Variants in CCPG1 observed in about 807,000 individuals in gnomAD.
The protein encoded by CCPG1 is cell cycle progression 1, also known as cell cycle progression protein 1.
In CCPG1, 46 loss-of-function variants were observed where a neutral mutation model predicts 81.3. The observed-to-expected ratio is 0.57, with a 90% CI of 0.45 to 0.72. The LOEUF is 0.72. CCPG1 is among the 30% of genes least tolerant of loss of function. CCPG1 has a pLI of 0.00. For missense variants in CCPG1, 902 were observed against 937.6 expected (o/e 0.96, Z 0.50); for synonymous variants, 330 against 305.2 (o/e 1.08, Z -0.85).
intron 1 of CCPG1, among the ~76,000 whole-genome samples, chr15:55,406,899 G>A (rs952089656): frequency 2.0e-5 from 3 of 151,758 alleles, no homozygotes; most frequent in African/African-American, 7.3e-5. Context: ...CTGAAATTCC[G>A]CCCTCAGCGT....
Position 55,360,194 on chromosome 15 carries a change from C to G in CCPG1, c.1579G>C (p.Asp527His). 1 of 1,613,334 alleles carries G rather than the reference C, an allele frequency of 6.2e-7. No homozygotes were observed. The highest frequency in any genetic ancestry group is 2.2e-5 in the East Asian group (1 of 44,862). The change falls in exon 8 of 9, where the codon GAT becomes CAT. Residue 527 changes from aspartate to histidine, a missense_variant. Transcript: ENST00000442196. ...TGTCTGAAAGTGGATTTAACTGAAT[C>G]TGAGAATTTTTTCAGATTTTCCTTC... The part of the protein sequence containing the change: ...AVKENLKKFS[D>H]SVKSTFRHFK...
At position 55,385,699 on chromosome 15, in the gene CCPG1, T is replaced by C. The variant is rs1280443696; in HGVS notation, c.76A>G (p.Met26Val). Reference sequence around the variant, plus strand: ...TCAGTGGGGGTCACAGAATTCAACATTTCTATATCTGACCCCTAAGGAAAA... The same window carrying C: ...TCAGTGGGGGTCACAGAATTCAACACTTCTATATCTGACCCCTAAGGAAAA... The part of the protein sequence containing the change: ...VISHEGSDIE[M>V]LNSVTPTDSC... The change falls in exon 3 of 9, where the codon ATG (methionine) becomes GTG (valine). Residue 26 changes from methionine (M) to valine (V), a missense_variant. By Grantham distance (21) the Met-to-Val change is conservative (BLOSUM62 1). This residue lies in a region of CCPG1 where 28 missense variants were observed against 47.8 expected (regional missense o/e 0.59). Coordinates refer to ENST00000442196, the MANE Select transcript of CCPG1 (RefSeq NM_001204450.2). The C allele has an allele frequency of 1.3e-6, 2 of 1,592,364 alleles. No individual in the cohort carries two copies. Among genetic ancestry groups the C allele is most frequent in the South Asian group, 1.1e-5 (1 of 90,586 alleles).
At chr15:55,381,105 C>G (rs1331448946) in intron 3 of CCPG1, among the ~76,000 whole-genome samples, 4 of 151,780 alleles carry the variant, frequency 2.6e-5, no homozygotes, top group African/African-American at 9.7e-5. Flanking sequence ...CCACTGCACT[C>G]CAGCCTGGGC....
chr15:55,378,317 T>C lies in CCPG1; in HGVS notation c.235A>G (p.Thr79Ala), dbSNP rs2056608514. Residue 79 changes from threonine (T) to alanine (A), a missense_variant, in exon 4 of 9, where the codon ACC becomes GCC. By Grantham distance (58) the Thr-to-Ala change is moderately conservative. Coordinates refer to ENST00000442196, the MANE Select transcript of CCPG1 (RefSeq NM_001204450.2). ...AAGTTTACCTCAATTGTTGAGCTGG[T>C]TTCCTCCAAAGCTGGATAAGCAGTT... ...EETAYPALEETSSTIEAEEQK... is the reference protein window; with the variant it reads ...EETAYPALEEASSTIEAEEQK... 1 of 1,610,338 alleles carries C rather than the reference T, an allele frequency of 6.2e-7. No homozygotes were observed.
At chr15:55,376,146 G>A (rs909297739) in intron 5 of CCPG1, among the ~76,000 whole-genome samples, 32 of 152,204 alleles carry the variant, frequency 2.1e-4, no homozygotes, top group East Asian at 1.9e-4. Context: ...GTCAAATTAG[G>A]AAATTTTTAG....
intron 1 of CCPG1, among the ~76,000 whole-genome samples, chr15:55,404,865 A>G (rs1407496434): frequency 1.3e-5 from 2 of 152,164 alleles, no homozygotes; most frequent in African/African-American, 4.8e-5. Flanking sequence ...CATTCAGGAG[A>G]TCGAGACCAT....
intron 6 of CCPG1, among the ~76,000 whole-genome samples, chr15:55,368,829 G>A (rs562845131): frequency 4.6e-5 from 7 of 152,238 alleles, no homozygotes; most frequent in East Asian, 3.9e-4. Flanking sequence ...ATTATAAAGC[G>A]GGCCAGGCAC....
chr15:55,393,061 G>A (rs552984801), intron 1 of CCPG1, among the ~76,000 whole-genome samples: 5 of 152,268 alleles, frequency 3.3e-5, no homozygotes, highest in African/African-American at 9.6e-5. Flanking sequence ...CCAAGATGGC[G>A]CCATTGCACT....
chr15:55,386,652 T>G (rs1430555386), intron 2 of CCPG1, among the ~76,000 whole-genome samples: 1 of 152,012 alleles, frequency 6.6e-6, no homozygotes, highest in Non-Finnish European at 1.5e-5. Flanking sequence ...CCCAGCACCT[T>G]GGGAGCCTGA....
chr15:55,372,074 T>C (rs2056460919), intron 5 of CCPG1, 30 bp from the exon 6 acceptor site: 1 of 1,591,162 alleles, frequency 6.3e-7, no homozygotes, highest in African/African-American at 1.4e-5. Flanking sequence ...CATTTAGCTA[T>C]TCAAAATCTT....
Position 55,356,129 on chromosome 15 carries a change from T to C in CCPG1, c.*91A>G, listed in dbSNP as rs1595814553. On this transcript the variant is annotated 3_prime_UTR_variant, in exon 9 of 9. Coordinates refer to ENST00000442196, the MANE Select transcript of CCPG1 (RefSeq NM_001204450.2). ...CTTAGAAACAAAAGAAAAGACATTGTCATCTTGGTAATTTCATTAGTTTCA... is the reference window on the plus strand; with the variant it reads ...CTTAGAAACAAAAGAAAAGACATTGCCATCTTGGTAATTTCATTAGTTTCA... 12 of 924,360 alleles carry C rather than the reference T, an allele frequency of 1.3e-5. No individual in the cohort carries two copies. The highest frequency in any genetic ancestry group is 6.8e-5 in the African/African-American group (4 of 58,568). The allele number at this position is 924,360 out of a possible 1,614,324, so 57.3% of individuals were successfully genotyped here. A position where few individuals can be genotyped will look rare whatever the true frequency, so the allele number is the denominator to read the frequency against.
In CCPG1 at chr15:55,382,667, G is replaced by A. The variant is rs374636287; in HGVS notation, c.175+2933C>T. Among the ~76,000 whole-genome samples the A allele has an allele frequency of 4.5e-4, 69 of 152,034 alleles. No homozygotes were observed. The East Asian group carries it at 0.011, about 25-fold the overall frequency. ...TGGGACTACAGGCGCCTGCCACCACGCCCAGCTAATTGTTTGTATTTTTAG... is the reference window on the plus strand; with the variant it reads ...TGGGACTACAGGCGCCTGCCACCACACCCAGCTAATTGTTTGTATTTTTAG... On this transcript the variant is annotated intron_variant, in intron 3 of 8. Coordinates refer to ENST00000442196, the MANE Select transcript of CCPG1 (RefSeq NM_001204450.2).
chr15:55,383,947 AC>A (rs1359101629), intron 3 of CCPG1, among the ~76,000 whole-genome samples: 5 of 152,216 alleles, frequency 3.3e-5, no homozygotes, highest in African/African-American at 1.2e-4. Context: ...ACTAAGAAGG[AC>A]TTTTAATTTC....
At position 55,360,391 on chromosome 15, in the gene CCPG1, T is replaced by C. The variant is rs1383618097; in HGVS notation, c.1382A>G (p.Lys461Arg). 1.2e-6 allele frequency: 2 copies of C among 1,613,924 alleles called. No homozygotes were observed. The highest frequency in any genetic ancestry group is 4.5e-5 in the East Asian group (2 of 44,886). The change falls in exon 8 of 9, where the codon AAA becomes AGA. Residue 461 changes from lysine (K) to arginine (R), a missense_variant. Physicochemically the swap from Lys to Arg is conservative, Grantham distance 26 (BLOSUM62 2). Around this residue, in one of 3 missense-constraint regions of CCPG1, gnomAD observed 746 missense variants for 728.6 expected, o/e 1.02. Coordinates refer to ENST00000442196, the MANE Select transcript of CCPG1 (RefSeq NM_001204450.2). Reference sequence around the variant, plus strand: ...TTTCTTTTTTCCATCTGTTCCTTGTTTTCCATTTTGATCTTTTGCCTCAAC... The same window carrying C: ...TTTCTTTTTTCCATCTGTTCCTTGTCTTCCATTTTGATCTTTTGCCTCAAC... ...LYVEAKDQNG[K>R]QGTDGKKKGG...
At chr15:55,373,340 T>C (rs923079782) in intron 5 of CCPG1, among the ~76,000 whole-genome samples, 7 of 152,130 alleles carry the variant, frequency 4.6e-5, no homozygotes, top group Non-Finnish European at 8.8e-5. Context: ...ACAACAAACA[T>C]TCATGCTCCA....
At position 55,371,825 on chromosome 15, in the gene CCPG1, A is replaced by G. The variant is rs758229070; in HGVS notation, c.674T>C (p.Ile225Thr). ...ATGGCCAAATCCCATGCTGATTGCA[A>G]TCACCAAAGCAAGTATAACACACTT... ...LNKCVILALV[I>T]AISMGFGHFY... The change falls in exon 6 of 9, where the codon ATT (isoleucine) becomes ACT (threonine). Residue 225 changes from isoleucine (I) to threonine (T), a missense_variant. Coordinates refer to ENST00000442196, the MANE Select transcript of CCPG1 (RefSeq NM_001204450.2). The G allele has an allele frequency of 5.6e-6, 9 of 1,613,966 alleles. No homozygotes were observed. Among genetic ancestry groups the G allele is most frequent in the African/African-American group, 1.3e-5 (1 of 74,922 alleles).
intron 3 of CCPG1, among the ~76,000 whole-genome samples, chr15:55,378,799 G>A (rs975537274): frequency 6.6e-6 from 1 of 152,058 alleles, no homozygotes; most frequent in African/African-American, 2.4e-5. Flanking sequence ...GTTTTACCAT[G>A]TTGCCCAGGC....
intron 3 of CCPG1, among the ~76,000 whole-genome samples, chr15:55,378,713 C>CG (rs2056616716): frequency 6.6e-6 from 1 of 151,752 alleles, no homozygotes; most frequent in African/African-American, 2.4e-5. Context: ...AAGTGATTCT[C>CG]CTGCCTCAGC....
chr15:55,356,980 T>C (rs1446124716), intron 8 of CCPG1: 15 of 985,474 alleles, frequency 1.5e-5, no homozygotes, highest in Non-Finnish European at 1.8e-5. Flanking sequence ...ATTTATTCCT[T>C]TTACTTGAGA....
Sources: gnomAD v4.1 joint callset for allele counts (sites outside exome capture counted in the v4.1 genomes callset) on GRCh38, gnomAD v4.1.1 for gene constraint, gnomAD v4.1.1 regional missense constraint, MANE v1.5 for transcripts, NCBI Gene and HGNC (gene_info 2026-07-23, HGNC 2026-07-21) for gene names.